The following KDM2A variants were observed in gnomAD, a reference collection of about 807,000 sequenced individuals.
KDM2A encodes lysine-specific demethylase 2A.
In KDM2A, 3 loss-of-function variants were observed where a neutral mutation model predicts 137.3. The ratio of observed to expected loss-of-function variants is 0.02; its 90% CI spans 0.01 to 0.06. The LOEUF (loss-of-function observed/expected upper bound fraction) is 0.06. KDM2A is among the 10% of genes least tolerant of loss of function. KDM2A has a pLI of 1.00. For synonymous variants in KDM2A, 512 were observed against 541.5 expected, an observed-to-expected ratio of 0.95 and a Z score of 0.76; for missense variants, 738 against 1,510.6, an observed-to-expected ratio of 0.49 and a Z score of 8.48.
Position 67,253,559 on chromosome 11 carries a change from A to C in KDM2A, c.3039A>C (p.Gly1013=), listed in dbSNP as rs1338997875. 6.2e-7 allele frequency: 1 copy of C among 1,613,724 alleles called. No homozygotes were observed. Among genetic ancestry groups the C allele is most frequent in the Non-Finnish European group, 8.5e-7 (1 of 1,179,840 alleles). Residue 1013 remains glycine, a synonymous_variant, in exon 19 of 21, where the codon GGA becomes GGC. Coordinates refer to ENST00000529006, the MANE Select transcript of KDM2A (RefSeq NM_012308.3). Reference sequence around the variant, plus strand: ...CCCTTGATCTTCGGTGGGCAGTAGGAATCAAGGACCCTCAAATTCGGGACT... The same window carrying C: ...CCCTTGATCTTCGGTGGGCAGTAGGCATCAAGGACCCTCAAATTCGGGACT... The part of the protein sequence containing the change: ...LRTLDLRWAV[G]IKDPQIRDLL...
At chr11:67,240,286 A>T in intron 12 of KDM2A, 1 of 1,535,662 alleles carries the variant, frequency 6.5e-7, no homozygotes, top group South Asian at 1.2e-5. Flanking sequence ...CTTCAGGAGA[A>T]CTTCCAGTAC....
intron 2 of KDM2A, among the ~76,000 whole-genome samples, chr11:67,165,327 G>A (rs993310432): frequency 6.6e-6 from 1 of 151,886 alleles, no homozygotes; most frequent in Non-Finnish European, 1.5e-5. Flanking sequence ...TCTCCATGCT[G>A]GTCAGGCTGG....
chr11:67,192,237 A>G (rs906368078), intron 5 of KDM2A, among the ~76,000 whole-genome samples: 1 of 152,008 alleles, frequency 6.6e-6, no homozygotes, highest in Non-Finnish European at 1.5e-5. Context: ...TTGGTTTTTA[A>G]TGCAGTCTGT....
At chr11:67,248,248 C>T (rs536079459) in intron 15 of KDM2A, 33 bp from the exon 16 acceptor site, 2 of 1,461,066 alleles carry the variant, frequency 1.4e-6, no homozygotes, top group African/African-American at 2.8e-5. Flanking sequence ...GCTTGAGAGA[C>T]AGGCTTTTAA....
intron 2 of KDM2A, among the ~76,000 whole-genome samples, chr11:67,126,400 C>CG (rs975007523): frequency 6.6e-6 from 1 of 151,808 alleles, no homozygotes; most frequent in Non-Finnish European, 1.5e-5. Context: ...CATAGACCCC[C>CG]GTTTCTCACA....
chr11:67,181,324 T>C lies in KDM2A; in HGVS notation c.186T>C (p.Phe62=). The change falls in exon 4 of 21, where the codon TTT becomes TTC. Residue 62 remains phenylalanine, a synonymous_variant. Transcript: ENST00000529006. ...NFVTFMEGKD[F]NVEYIQRGGL... is the part of the protein sequence containing the mutation. ...AATATTTTCCTATGGTGACAGATTTTAATGTAGAGTATATTCAGCGGGGTG... is the reference window on the plus strand; with the variant it reads ...AATATTTTCCTATGGTGACAGATTTCAATGTAGAGTATATTCAGCGGGGTG... 1 of 1,603,552 alleles carries C rather than the reference T, an allele frequency of 6.2e-7. No individual in the cohort carries two copies.
intron 5 of KDM2A, among the ~76,000 whole-genome samples, chr11:67,185,686 T>C (rs980957540): frequency 3.3e-5 from 5 of 151,808 alleles, no homozygotes; most frequent in African/African-American, 9.7e-5. Context: ...TGAAATTGAA[T>C]TGCCATTGTG....
At chr11:67,251,014 C>T (rs1859407499) in intron 17 of KDM2A, among the ~76,000 whole-genome samples, 1 of 152,152 alleles carries the variant, frequency 6.6e-6, no homozygotes, top group Non-Finnish European at 1.5e-5. Flanking sequence ...CCTGGCCCTG[C>T]TCTATACTTT....
At chr11:67,231,502 T>C (rs1018015767) in intron 11 of KDM2A, 64 bp from the exon 12 acceptor site, 3 of 1,429,212 alleles carry the variant, frequency 2.1e-6, no homozygotes, top group Non-Finnish European at 2.8e-6. Context: ...ATGCCACCTA[T>C]TTCTCTTGCT....
At chr11:67,165,644 G>A (rs1856724065) in intron 2 of KDM2A, among the ~76,000 whole-genome samples, 1 of 152,148 alleles carries the variant, frequency 6.6e-6, no homozygotes, top group Non-Finnish European at 1.5e-5. Context: ...GAAAATAGGT[G>A]CATTTATAGA....
intron 5 of KDM2A, among the ~76,000 whole-genome samples, chr11:67,193,110 C>G (rs1394625997): frequency 6.6e-6 from 1 of 152,172 alleles, no homozygotes; most frequent in Non-Finnish European, 1.5e-5. Context: ...CTGCCTCAGC[C>G]TCCTGAGTAG....
chr11:67,240,509 G>T (rs562369226), intron 12 of KDM2A: 2 of 722,158 alleles, frequency 2.8e-6, no homozygotes, highest in African/African-American at 3.6e-5. Context: ...TGCTTGAGCC[G>T]TCATTGCACT....
At chr11:67,187,261 A>T (rs1857228190) in intron 5 of KDM2A, among the ~76,000 whole-genome samples, 1 of 152,218 alleles carries the variant, frequency 6.6e-6, no homozygotes, top group Non-Finnish European at 1.5e-5. Context: ...CTATAAGGAT[A>T]TAGAAGTCAA....
At chr11:67,187,343 AAAGAC>A (rs1377562992) in intron 5 of KDM2A, among the ~76,000 whole-genome samples, 1 of 152,126 alleles carries the variant, frequency 6.6e-6, no homozygotes, top group Non-Finnish European at 1.5e-5. Flanking sequence ...TCCCCAATCA[AAAGAC>A]AAGAAATTGG....
At chr11:67,145,318 AC>A (rs1856218599) in intron 2 of KDM2A, among the ~76,000 whole-genome samples, 1 of 151,644 alleles carries the variant, frequency 6.6e-6, no homozygotes, top group Admixed American at 6.6e-5. Flanking sequence ...AACCCCGTCT[AC>A]AAAAAACACA....
chr11:67,142,472 G>A (rs1856128091), intron 2 of KDM2A, among the ~76,000 whole-genome samples: 1 of 148,012 alleles, frequency 6.8e-6, no homozygotes, highest in South Asian at 2.1e-4. Flanking sequence ...CCAAGATGGT[G>A]AAACCCTGCC....
intron 5 of KDM2A, 127 bp downstream of exon 5, chr11:67,182,019 T>A: frequency 1.3e-6 from 1 of 774,476 alleles, no homozygotes; most frequent in Non-Finnish European, 2.1e-6. Flanking sequence ...AACTACATTT[T>A]CATTAGGAAC....
chr11:67,229,188 C>T (rs1008593881), intron 11 of KDM2A, among the ~76,000 whole-genome samples: 6 of 152,138 alleles, frequency 3.9e-5, no homozygotes, highest in African/African-American at 1.4e-4. Context: ...CCTCATTTTA[C>T]AAATGGGAAC....
At chr11:67,200,965 G>A (rs997240122) in intron 5 of KDM2A, among the ~76,000 whole-genome samples, 4 of 151,974 alleles carry the variant, frequency 2.6e-5, no homozygotes, top group African/African-American at 4.8e-5. Context: ...AGGTCGAGGC[G>A]GGTGGATCAC....
Sources: gnomAD v4.1 joint callset for allele counts (sites outside exome capture counted in the v4.1 genomes callset) on GRCh38, gnomAD v4.1.1 for gene constraint, MANE v1.5 for transcripts, NCBI Gene and HGNC (gene_info 2026-07-23, HGNC 2026-07-21) for gene names.